ZFAT: variants seen among roughly 807,000 people sequenced by gnomAD.
ZFAT encodes zinc finger and AT-hook domain containing.
In ZFAT, 64 loss-of-function variants were observed where a neutral mutation model predicts 117.7. The observed-to-expected ratio is 0.54, with a 90% CI of 0.44 to 0.67. The LOEUF is 0.67. Ranked by LOEUF, ZFAT falls within the 30% of genes least tolerant of loss-of-function variation. The pLI, the probability that ZFAT is intolerant of heterozygous loss-of-function variation, is 0.00. For missense variants in ZFAT, 1,433 were observed against 1,584.5 expected (o/e 0.90, Z 1.62); for synonymous variants, 679 against 615.0 (o/e 1.10, Z -1.54).
chr8:134,541,302 G>A (rs1057118579), intron 11 of ZFAT, among the ~76,000 whole-genome samples: 11 of 152,162 alleles, frequency 7.2e-5, no homozygotes, highest in African/African-American at 2.7e-4. Context: ...GTTGTCATGG[G>A]AGAGGAATTG....
At chr8:134,723,824 C>T in the ZFAT span, 1 of 152,124 alleles carries the variant, frequency 6.6e-6, no homozygotes, top group Admixed American at 6.5e-5. Context: ...ATGAAGTTCC[C>T]GCAGTAACTG....
intron 7 of ZFAT, chr8:134,600,041 T>A: frequency 2.7e-6 from 1 of 364,090 alleles, no homozygotes. Context: ...ACTGTTCTCA[T>A]CACTGTACAG....
intron 15 of ZFAT, among the ~76,000 whole-genome samples, chr8:134,507,980 A>C (rs1344868595): frequency 1.3e-5 from 2 of 152,212 alleles, no homozygotes; most frequent in African/African-American, 4.8e-5. Flanking sequence ...AGTAAACACC[A>C]AGAAAAGCTA....
chr8:134,554,764 T>A (rs749306587), intron 11 of ZFAT, among the ~76,000 whole-genome samples: 2 of 152,232 alleles, frequency 1.3e-5, no homozygotes, highest in Non-Finnish European at 2.9e-5. Context: ...AGCGCCTGTA[T>A]GATTGAGAAG....
At chr8:134,735,767 TCA>T in the ZFAT span, among the ~76,000 whole-genome samples, 3 of 152,306 alleles carry the variant, frequency 2.0e-5, no homozygotes, top group Admixed American at 6.5e-5. Context: ...AGCTTATACT[TCA>T]CTATGACAGT....
At chr8:134,587,264 T>C (rs1586759294) in intron 9 of ZFAT, among the ~76,000 whole-genome samples, 1 of 152,154 alleles carries the variant, frequency 6.6e-6, no homozygotes, top group African/African-American at 2.4e-5. Flanking sequence ...GGAATGGCCC[T>C]CTGGAGATAG....
intron 1 of ZFAT, among the ~76,000 whole-genome samples, chr8:134,696,025 CT>C (rs1833821534): frequency 6.7e-6 from 1 of 149,934 alleles, no homozygotes; most frequent in Non-Finnish European, 1.5e-5. Context: ...ACACCCAGGT[CT>C]TTAACCAAGG....
the ZFAT span, among the ~76,000 whole-genome samples, chr8:134,744,151 C>T: frequency 6.6e-6 from 1 of 152,134 alleles, no homozygotes; most frequent in Non-Finnish European, 1.5e-5. Context: ...TCTGCATTCC[C>T]CTCTGAGGCT....
At position 134,512,537 on chromosome 8, in the gene ZFAT, T is replaced by C. The variant is rs750216264; in HGVS notation, c.3299A>G (p.Asp1100Gly). The change falls in exon 14 of 16, where the codon GAC (aspartate) becomes GGC (glycine). Residue 1100 changes from aspartate (D) to glycine (G), a missense_variant. Physicochemically the swap from Asp to Gly is moderately conservative, Grantham distance 94 (BLOSUM62 -1). Coordinates refer to ENST00000377838, the MANE Select transcript of ZFAT (RefSeq NM_020863.4). ...QYLHITEAEE[D>G]VQGTQAAVAA... ...CACCGCTGCCTGTGTCCCTTGAACGTCTTCTTCGGCCTCTGTGATGTGGAG... is the reference window on the plus strand; with the variant it reads ...CACCGCTGCCTGTGTCCCTTGAACGCCTTCTTCGGCCTCTGTGATGTGGAG... The C allele has an allele frequency of 6.8e-6, 11 of 1,613,910 alleles. No individual in the cohort carries two copies. In the East Asian group the frequency reaches 1.8e-4, roughly 26 times the overall value.
intron 1 of ZFAT, among the ~76,000 whole-genome samples, chr8:134,679,192 G>A (rs963537121): frequency 5.9e-5 from 9 of 152,038 alleles, no homozygotes; most frequent in South Asian, 2.1e-4. Flanking sequence ...CTATCCATCC[G>A]AAAAAGCGCT....
chr8:134,721,171 C>T, the ZFAT span, among the ~76,000 whole-genome samples: 15 of 152,202 alleles, frequency 9.9e-5, no homozygotes, highest in South Asian at 2.1e-4. Context: ...GTTGTGACAA[C>T]GTTGTGCCCT....
chr8:134,737,995 A>C, the ZFAT span, among the ~76,000 whole-genome samples: 3 of 152,158 alleles, frequency 2.0e-5, no homozygotes, highest in African/African-American at 7.2e-5. Context: ...AGGTCTCTTC[A>C]TGGTAAACGT....
At chr8:134,533,033 G>C in intron 11 of ZFAT, 61 bp from the exon 12 acceptor site, 1 of 1,546,978 alleles carries the variant, frequency 6.5e-7, no homozygotes, top group South Asian at 1.2e-5. Context: ...CTTCGCTGCT[G>C]CTCCCACCTG....
chr8:134,739,840 G>A, the ZFAT span, among the ~76,000 whole-genome samples: 1 of 152,200 alleles, frequency 6.6e-6, no homozygotes, highest in Non-Finnish European at 1.5e-5. Flanking sequence ...TTTCTTGCCT[G>A]GGGGCTTTCT....
At chr8:134,531,512 T>A (rs1821404657) in intron 12 of ZFAT, among the ~76,000 whole-genome samples, 2 of 152,250 alleles carry the variant, frequency 1.3e-5, no homozygotes, top group African/African-American at 4.8e-5. Context: ...TGTTTTTCCA[T>A]TTAATCCTCT....
chr8:134,803,395 C>T, the ZFAT span, among the ~76,000 whole-genome samples: 6 of 152,150 alleles, frequency 3.9e-5, no homozygotes, highest in Non-Finnish European at 1.5e-5. Flanking sequence ...CCTTTCACTG[C>T]TATTTGAGTC....
chr8:134,547,824 A>G (rs139257354), intron 11 of ZFAT, among the ~76,000 whole-genome samples: 2,151 of 152,344 alleles, frequency 0.014, 20 homozygotes, highest in Middle Eastern at 0.024. Context: ...GGCTCACTGC[A>G]TCTGGTGAGT....
the ZFAT span, among the ~76,000 whole-genome samples, chr8:134,729,126 G>A: frequency 0.015 from 2,265 of 152,198 alleles, 26 homozygotes; most frequent in Non-Finnish European, 0.023. Flanking sequence ...TGTAAAGAAC[G>A]CTGGCCTGTA....
the ZFAT span, among the ~76,000 whole-genome samples, chr8:134,772,755 A>G: frequency 6.6e-6 from 1 of 152,200 alleles, no homozygotes; most frequent in Non-Finnish European, 1.5e-5. Flanking sequence ...AGAGAAGTCA[A>G]TGCCTGGCTT....
Sources: allele counts gnomAD v4.1 joint callset (sites outside exome capture counted in the v4.1 genomes callset), GRCh38; gene constraint gnomAD v4.1.1; transcripts MANE v1.5; gene names NCBI Gene and HGNC (gene_info 2026-07-23, HGNC 2026-07-21).